Variants in STK3 observed in about 807,000 individuals in gnomAD.
STK3 encodes the protein serine/threonine kinase 3.
In STK3, 41 loss-of-function variants were observed where a neutral mutation model predicts 58.0. The ratio of observed to expected loss-of-function variants is 0.71; its 90% CI spans 0.55 to 0.92. The LOEUF is 0.92. Ranked by LOEUF, STK3 falls within the 40% of genes least tolerant of loss-of-function variation. The probability of loss-of-function intolerance (pLI) is 0.00; values close to 1 mark genes in which losing one functional copy is unlikely to be tolerated. For missense variants in STK3, 479 were observed against 602.7 expected (o/e 0.79, Z 2.15); for synonymous variants, 170 against 191.0 (o/e 0.89, Z 0.91).
chr8:98,443,341 G>A (rs1818767759), intron 1 of STK3, among the ~76,000 whole-genome samples: 1 of 152,198 alleles, frequency 6.6e-6, no homozygotes, highest in Non-Finnish European at 1.5e-5. Context: ...CTCAGGTTTG[G>A]GCGATAACAG....
At chr8:98,480,361 G>A (rs1821750485) in intron 10 of STK3, among the ~76,000 whole-genome samples, 1 of 152,108 alleles carries the variant, frequency 6.6e-6, no homozygotes, top group African/African-American at 2.4e-5. Flanking sequence ...AAAATATGAA[G>A]TCCAGAAGAC....
In STK3 at chr8:98,618,511, A is replaced by T. The variant is rs1256385193; in HGVS notation, c.685-22342T>A. On this transcript the variant is annotated intron_variant, in intron 6 of 10. Coordinates refer to ENST00000419617, the MANE Select transcript of STK3 (RefSeq NM_006281.4). Reference sequence around the variant, plus strand: ...ATAAAGGGTATTCAATTAGGAAAAGAGGAAGTCAAACTGTCCCTGTTTGCA... The same window carrying T: ...ATAAAGGGTATTCAATTAGGAAAAGTGGAAGTCAAACTGTCCCTGTTTGCA... 9.2e-5 allele frequency among the ~76,000 whole-genome samples: 14 copies of T among 151,578 alleles called. No individual in the cohort carries two copies. The East Asian group carries it at 2.7e-3, about 29-fold the overall frequency.
chr8:98,769,136 A>G (rs1831131748), intron 2 of STK3, among the ~76,000 whole-genome samples: 1 of 152,248 alleles, frequency 6.6e-6, no homozygotes, highest in Non-Finnish European at 1.5e-5. Context: ...ACAGTAGCTT[A>G]TCTTTTCCTT....
At chr8:98,426,250 C>T (rs1818230986) in intron 3 of STK3, among the ~76,000 whole-genome samples, 1 of 152,214 alleles carries the variant, frequency 6.6e-6, no homozygotes, top group South Asian at 2.1e-4. Flanking sequence ...GCACACGGTT[C>T]CCCATGCCAC....
intron 3 of STK3, among the ~76,000 whole-genome samples, chr8:98,762,485 A>C (rs1830685320): frequency 6.6e-6 from 1 of 151,868 alleles, no homozygotes; most frequent in Non-Finnish European, 1.5e-5. Flanking sequence ...CAAACTTCTG[A>C]CCTTGTGATC....
intron 10 of STK3, among the ~76,000 whole-genome samples, chr8:98,466,004 T>A (rs1223471856): frequency 6.6e-6 from 1 of 152,210 alleles, no homozygotes; most frequent in Non-Finnish European, 1.5e-5. Flanking sequence ...CAACAAAATT[T>A]AAGTAACTCA....
chr8:98,638,135 T>C (rs1819757076), intron 6 of STK3, among the ~76,000 whole-genome samples: 1 of 152,196 alleles, frequency 6.6e-6, no homozygotes, highest in African/African-American at 2.4e-5. Flanking sequence ...ATAATCATAA[T>C]TTGATATCAA....
In STK3 at chr8:98,910,321, A is replaced by C. The variant is rs975353224; in HGVS notation, c.-78-26487T>G. ...ACTTTGAAAATGTAACCAGGACTTA[A>C]AGTTGTGTAGTAATAACCTCAGGAT... On this transcript the variant is annotated intron_variant, in intron 1 of 1. Transcript: ENST00000519420. Among the ~76,000 whole-genome samples the C allele has an allele frequency of 2.6e-5, 4 of 152,156 alleles. No individual in the cohort carries two copies. The East Asian group carries it at 7.7e-4, about 29-fold the overall frequency.
chr8:98,756,205 T>C (rs1010090676), intron 3 of STK3, among the ~76,000 whole-genome samples: 3 of 150,192 alleles, frequency 2.0e-5, no homozygotes, highest in Admixed American at 2.0e-4. Context: ...AACGAATAAA[T>C]AAATCACACA....
chr8:98,376,880 C>T (rs1332581456), intron 2 of STK3, among the ~76,000 whole-genome samples: 1 of 152,228 alleles, frequency 6.6e-6, no homozygotes, highest in African/African-American at 2.4e-5. Context: ...TGTTTTATAA[C>T]ATATGACTCA....
intron 6 of STK3, among the ~76,000 whole-genome samples, chr8:98,607,929 C>T (rs1816899686): frequency 6.6e-6 from 1 of 152,030 alleles, no homozygotes; most frequent in Non-Finnish European, 1.5e-5. Context: ...CTGATTTTTC[C>T]AAATGACAAA....
intron 1 of STK3, among the ~76,000 whole-genome samples, chr8:98,927,159 G>A (rs1839830606): frequency 6.6e-6 from 1 of 152,222 alleles, no homozygotes; most frequent in African/African-American, 2.4e-5. Context: ...TTAGGCCTGT[G>A]GCTCAATCTC....
chr8:98,553,520 G>A (rs1010574241), intron 8 of STK3: 3 of 152,038 alleles, frequency 2.0e-5, no homozygotes, highest in African/African-American at 7.2e-5. Flanking sequence ...CTAGTAACAT[G>A]TTCTTATTAT....
chr8:98,412,344 C>A (rs1818066909), intron 3 of STK3, among the ~76,000 whole-genome samples: 1 of 152,208 alleles, frequency 6.6e-6, no homozygotes, highest in Non-Finnish European at 1.5e-5. Context: ...CCTCATCTAA[C>A]AACATCTTTC....
At chr8:98,394,735 A>G (rs989540837) in intron 3 of STK3, among the ~76,000 whole-genome samples, 8 of 152,248 alleles carry the variant, frequency 5.3e-5, no homozygotes, top group African/African-American at 1.9e-4. Context: ...GTACACATGA[A>G]GAAAGTGAAG....
At chr8:98,526,370 A>C (rs944374026) in intron 10 of STK3, 2 of 154,204 alleles carry the variant, frequency 1.3e-5, no homozygotes, top group Non-Finnish European at 2.9e-5. Flanking sequence ...ACTCTATGTC[A>C]TAAATACCTT....
At chr8:98,916,996 G>A (rs904698620) in intron 1 of STK3, among the ~76,000 whole-genome samples, 1 of 152,140 alleles carries the variant, frequency 6.6e-6, no homozygotes, top group South Asian at 2.1e-4. Flanking sequence ...TCTGGGAAGA[G>A]CATCTGCACT....
upstream of STK3, among the ~76,000 whole-genome samples, chr8:98,390,118 T>C (rs1420420452): frequency 6.6e-6 from 1 of 152,202 alleles, no homozygotes; most frequent in Non-Finnish European, 1.5e-5. Flanking sequence ...TTCTGTTGCT[T>C]TTCCTCCATT....
chr8:98,612,268 A>G (rs1401419884), intron 6 of STK3, among the ~76,000 whole-genome samples: 3 of 150,666 alleles, frequency 2.0e-5, no homozygotes, highest in Non-Finnish European at 4.4e-5. Context: ...AAGCATACGA[A>G]GATCCAGACT....
Sources: allele counts gnomAD v4.1 joint callset (sites outside exome capture counted in the v4.1 genomes callset), GRCh38; gene constraint gnomAD v4.1.1; transcripts MANE v1.5; gene names NCBI Gene and HGNC (gene_info 2026-07-23, HGNC 2026-07-21).